Variants in LRRIQ3 observed in about 807,000 individuals in gnomAD.
LRRIQ3 encodes the protein leucine rich repeats and IQ motif containing 3.
A neutral mutation model predicts 59.3 loss-of-function variants in LRRIQ3; 75 were observed. The ratio of observed to expected loss-of-function variants is 1.26; its 90% CI spans 1.05 to 1.53. The LOEUF (loss-of-function observed/expected upper bound fraction) is 1.53. Among genes scored for constraint, LRRIQ3 ranks in the 40% most tolerant of loss-of-function variants. The pLI, the probability that LRRIQ3 is intolerant of heterozygous loss-of-function variation, is 0.00. For synonymous variants in LRRIQ3, 250 were observed against 231.3 expected, an observed-to-expected ratio of 1.08 and a Z score of -0.73; for missense variants, 831 against 710.0, an observed-to-expected ratio of 1.17 and a Z score of -1.94.
chr1:74,099,914 A>T (rs1646505891), intron 5 of LRRIQ3, among the ~76,000 whole-genome samples: 1 of 152,180 alleles, frequency 6.6e-6, no homozygotes, highest in Admixed American at 6.6e-5. Flanking sequence ...TCTCAAAATA[A>T]TAAGGGCTAT....
intron 5 of LRRIQ3, among the ~76,000 whole-genome samples, chr1:74,105,257 A>ATT (rs369709404): frequency 7.0e-6 from 1 of 142,422 alleles, no homozygotes; most frequent in African/African-American, 2.7e-5. Flanking sequence ...GTGTGTGTGT[A>ATT]TTTTTTTTTT....
chr1:74,088,003 G>T (rs2100510540), intron 5 of LRRIQ3, among the ~76,000 whole-genome samples: 1 of 152,126 alleles, frequency 6.6e-6, no homozygotes, highest in East Asian at 1.9e-4. Flanking sequence ...TGAGGCAGAA[G>T]AATTGCTTGA....
intron 2 of LRRIQ3, 53 bp downstream of exon 2, chr1:74,183,383 T>A: frequency 1.4e-6 from 2 of 1,465,220 alleles, no homozygotes; most frequent in Admixed American, 2.3e-5. Context: ...AAGTACTTAT[T>A]ATAAGACTGA....
chr1:74,043,124 T>C (rs554282731), intron 6 of LRRIQ3, among the ~76,000 whole-genome samples: 58 of 152,246 alleles, frequency 3.8e-4, no homozygotes, highest in African/African-American at 1.4e-3. Flanking sequence ...GTTGTTTGCA[T>C]ATTTACTTTT....
At chr1:74,027,998 T>G (rs1413607175) in intron 7 of LRRIQ3, among the ~76,000 whole-genome samples, 1 of 152,052 alleles carries the variant, frequency 6.6e-6, no homozygotes, top group African/African-American at 2.4e-5. Context: ...ACCTTTGAAC[T>G]GAATCTTGAA....
At chr1:74,172,615 C>T (rs1246659106) in intron 3 of LRRIQ3, among the ~76,000 whole-genome samples, 1 of 152,118 alleles carries the variant, frequency 6.6e-6, no homozygotes, top group Admixed American at 6.5e-5. Context: ...TTATTCAAGT[C>T]TGCTGTTCCC....
chr1:74,139,263 AGAAG>A (rs914877488), intron 4 of LRRIQ3, among the ~76,000 whole-genome samples: 1 of 144,182 alleles, frequency 6.9e-6, no homozygotes, highest in African/African-American at 2.5e-5. Flanking sequence ...TTCAGTGGAA[AGAAG>A]GAAGGGAGAA....
At chr1:74,028,324 A>G (rs2100349348) in intron 7 of LRRIQ3, among the ~76,000 whole-genome samples, 1 of 152,228 alleles carries the variant, frequency 6.6e-6, no homozygotes, top group African/African-American at 2.4e-5. Context: ...ATTTTAGACA[A>G]GATATTCATG....
chr1:74,124,704 T>C (rs971174963), intron 4 of LRRIQ3, among the ~76,000 whole-genome samples: 34 of 152,114 alleles, frequency 2.2e-4, no homozygotes, highest in Admixed American at 7.2e-4. Context: ...CTCTATTCTA[T>C]TCCATTGTTC....
intron 3 of LRRIQ3, chr1:74,181,700 C>A (rs370181652): frequency 8.6e-5 from 13 of 151,706 alleles, no homozygotes; most frequent in African/African-American, 3.1e-4. Context: ...ATTTTTAAAA[C>A]TATTACAAAA....
chr1:74,097,937 G>A (rs1189697454), intron 5 of LRRIQ3, among the ~76,000 whole-genome samples: 1 of 152,186 alleles, frequency 6.6e-6, no homozygotes, highest in Non-Finnish European at 1.5e-5. Flanking sequence ...ACCAGTACCA[G>A]CCACTGCAAA....
chr1:74,026,235 T>G lies in LRRIQ3; in HGVS notation c.*578A>C, dbSNP rs1653509738. ...GTAAATATACAAAAATCTTACAGTC[T>G]TCAAGGAAGGTGATAAGAATGTTTA... On this transcript the variant is annotated 3_prime_UTR_variant, in exon 8 of 8. Coordinates refer to ENST00000354431, the MANE Select transcript of LRRIQ3 (RefSeq NM_001105659.2). 1 of 152,112 alleles carries G rather than the reference T, an allele frequency of 6.6e-6. No individual in the cohort carries two copies. The highest frequency in any genetic ancestry group is 1.5e-5 in the Non-Finnish European group (1 of 68,006). The allele number at this position is 152,112 out of a possible 1,614,324, so 9.4% of individuals were successfully genotyped here. A position where few individuals can be genotyped will look rare whatever the true frequency, so the allele number is the denominator to read the frequency against.
chr1:74,093,616 T>C (rs1485627135), intron 5 of LRRIQ3, among the ~76,000 whole-genome samples: 3 of 152,070 alleles, frequency 2.0e-5, no homozygotes, highest in African/African-American at 7.2e-5. Flanking sequence ...ACTTATTCAA[T>C]ATAGGAGTAC....
chr1:74,147,030 C>T (rs1424305480), intron 4 of LRRIQ3, among the ~76,000 whole-genome samples: 1 of 152,074 alleles, frequency 6.6e-6, no homozygotes, highest in Non-Finnish European at 1.5e-5. Context: ...GAGTTGGAGA[C>T]CAGCCTGGGC....
intron 6 of LRRIQ3, among the ~76,000 whole-genome samples, chr1:74,066,361 T>C (rs1042998331): frequency 6.6e-6 from 1 of 152,102 alleles, no homozygotes; most frequent in African/African-American, 2.4e-5. Flanking sequence ...TTATTTGACA[T>C]AATGTGTACT....
In LRRIQ3 at chr1:74,041,347, CA is replaced by C; in HGVS notation, c.1583del (p.Leu528Ter). The C allele has an allele frequency of 6.2e-7, 1 of 1,613,828 alleles. No homozygotes were observed. Among genetic ancestry groups the C allele is most frequent in the Non-Finnish European group, 8.5e-7 (1 of 1,179,888 alleles). ...VQNLNNERTLLTRGLLKIDRL... is the reference protein window; with the variant it reads ...VQNLNNERTLXTRGLLKIDRL... ...TGTCAATTTTAAGTAGTCCTCTGGT[CA>C]AAAGAGTGCGCTCATTATTTAAGTT... On this transcript the variant is annotated frameshift_variant, in exon 7 of 8. Transcript: ENST00000354431. LOFTEE classifies it high-confidence loss of function.
At chr1:74,143,699 C>T (rs893391083) in intron 4 of LRRIQ3, among the ~76,000 whole-genome samples, 2 of 151,270 alleles carry the variant, frequency 1.3e-5, no homozygotes, top group African/African-American at 4.8e-5. Flanking sequence ...ACATAATTTA[C>T]TATAACAAAT....
At chr1:74,097,975 T>C (rs942534820) in intron 5 of LRRIQ3, among the ~76,000 whole-genome samples, 3 of 152,114 alleles carry the variant, frequency 2.0e-5, no homozygotes, top group East Asian at 1.9e-4. Context: ...AGACCATCGA[T>C]GCTAGGAAGA....
intron 5 of LRRIQ3, among the ~76,000 whole-genome samples, chr1:74,092,994 A>G (rs1646411175): frequency 6.6e-6 from 1 of 152,120 alleles, no homozygotes; most frequent in Admixed American, 6.6e-5. Context: ...AACAAAAACC[A>G]GTAAGTGAAA....
Sources: gnomAD v4.1 joint callset for allele counts (sites outside exome capture counted in the v4.1 genomes callset) on GRCh38, gnomAD v4.1.1 for gene constraint, MANE v1.5 for transcripts, NCBI Gene and HGNC (gene_info 2026-07-23, HGNC 2026-07-21) for gene names.